Variants in RAB8B observed in about 807,000 individuals in gnomAD.
RAB8B encodes ras-related protein Rab-8B.
Under a neutral mutation model 32.0 loss-of-function variants are expected in RAB8B, and 11 were observed. The ratio of observed to expected loss-of-function variants is 0.34; its 90% confidence interval spans 0.22 to 0.57. The LOEUF (loss-of-function observed/expected upper bound fraction) is 0.57. Ranked by LOEUF, RAB8B falls within the 20% of genes least tolerant of loss-of-function variation. The probability of loss-of-function intolerance (pLI) is 0.86; values close to 1 mark genes in which losing one functional copy is unlikely to be tolerated. For missense variants in RAB8B, 190 were observed against 258.5 expected (o/e 0.73, Z 1.82); for synonymous variants, 103 against 89.6 (o/e 1.15, Z -0.85).
intron 1 of RAB8B, among the ~76,000 whole-genome samples, chr15:63,221,070 A>C (rs768443230): frequency 9.9e-5 from 15 of 152,220 alleles, no homozygotes; most frequent in Non-Finnish European, 1.5e-4. Flanking sequence ...GAGGAGGTAG[A>C]GTTTCTGAAT....
At chr15:63,203,474 T>C (rs992638698) in intron 1 of RAB8B, among the ~76,000 whole-genome samples, 2 of 152,216 alleles carry the variant, frequency 1.3e-5, no homozygotes, top group African/African-American at 4.8e-5. Context: ...GTTTGTCACA[T>C]GGAAAGCACA....
At chr15:63,247,119 G>T (rs1374924267) in intron 2 of RAB8B, among the ~76,000 whole-genome samples, 1 of 152,150 alleles carries the variant, frequency 6.6e-6, no homozygotes, top group Non-Finnish European at 1.5e-5. Flanking sequence ...TCTAGTGAAG[G>T]TTTGCTTCCT....
intron 1 of RAB8B, among the ~76,000 whole-genome samples, chr15:63,205,906 A>C (rs2141112686): frequency 6.6e-6 from 1 of 152,328 alleles, no homozygotes; most frequent in Admixed American, 6.5e-5. Flanking sequence ...AAGCAGTGAA[A>C]TGTGCCTCCA....
rs566633038 is a variant in RAB8B at position 63,238,290 on chromosome 15, G to A, written c.125-6466G>A. ...ATGACCTCTGGTTCTTGCTGCTGTT[G>A]GTGTGATAGCCCCCTCCTTCTTTCT... On this transcript the variant is annotated intron_variant, in intron 1 of 7. Transcript: ENST00000321437. 2.6e-5 allele frequency among the ~76,000 whole-genome samples: 4 copies of A among 151,982 alleles called. No individual in the cohort carries two copies. The South Asian group carries it at 8.3e-4, about 32-fold the overall frequency.
chr15:63,246,059 A>G (rs957235350), intron 2 of RAB8B, among the ~76,000 whole-genome samples: 1 of 152,082 alleles, frequency 6.6e-6, no homozygotes, highest in African/African-American at 2.4e-5. Flanking sequence ...TTTTCAGTAG[A>G]AACGGGGTTT....
In RAB8B at chr15:63,263,796, C is replaced by T. The variant is rs908761984; in HGVS notation, c.*177C>T. 9.8e-6 allele frequency: 5 copies of T among 507,660 alleles called. No homozygotes were observed. The highest frequency in any genetic ancestry group is 9.6e-5 in the African/African-American group (5 of 51,814). 31.4% of individuals were successfully genotyped at this position (507,660 alleles called of 1,614,324 possible). ...CCAGCCTCATGGCCTAGCAAAAGAA[C>T]AGACTCCCTTTTTCAAACATGGAAG... On this transcript the variant is annotated 3_prime_UTR_variant, in exon 8 of 8. Coordinates refer to ENST00000321437, the MANE Select transcript of RAB8B (RefSeq NM_016530.3).
At chr15:63,249,579 C>T (rs2038098152) in intron 2 of RAB8B, 66 bp from the exon 3 acceptor site, 3 of 1,442,654 alleles carry the variant, frequency 2.1e-6, no homozygotes, top group Middle Eastern at 1.8e-4. Flanking sequence ...TCTCCTACAG[C>T]AGGGTTTCTC....
At position 63,259,812 on chromosome 15, in the gene RAB8B, C is replaced by A; in HGVS notation, c.480+120C>A. 1 of 852,552 alleles carries A rather than the reference C, an allele frequency of 1.2e-6. No homozygotes were observed. The highest frequency in any genetic ancestry group is 1.9e-6 in the Non-Finnish European group (1 of 539,240). 52.8% of individuals were successfully genotyped at this position (852,552 alleles called of 1,614,324 possible). A position where few individuals can be genotyped will look rare whatever the true frequency, so the allele number is the denominator to read the frequency against. Reference sequence around the variant, plus strand: ...TAATGAATGCCTTTTGTTGACCCAACTCTACTTTGTACACTTTTGTGCTTC... The same window carrying A: ...TAATGAATGCCTTTTGTTGACCCAAATCTACTTTGTACACTTTTGTGCTTC... On this transcript the variant is annotated intron_variant, in intron 6 of 7. Coordinates refer to ENST00000321437, the MANE Select transcript of RAB8B (RefSeq NM_016530.3). The surrounding 1 kb of genome is among the most constrained non-coding windows in gnomAD (Gnocchi z 4.4).
At chr15:63,194,227 C>T (rs2037582837) in intron 1 of RAB8B, among the ~76,000 whole-genome samples, 1 of 152,144 alleles carries the variant, frequency 6.6e-6, no homozygotes, top group African/African-American at 2.4e-5. Flanking sequence ...TTAATTGACA[C>T]CCTCAAAATT....
intron 7 of RAB8B, among the ~76,000 whole-genome samples, chr15:63,263,319 A>G (rs1208356723): frequency 1.3e-5 from 2 of 152,272 alleles, no homozygotes; most frequent in East Asian, 1.9e-4. Context: ...TCGTAAGGGC[A>G]TTTTCCTCTT....
chr15:63,233,055 C>CTTTTTTTTTTTTTTTTTTTTTT (rs752891283), intron 1 of RAB8B, among the ~76,000 whole-genome samples: 7 of 141,516 alleles, frequency 4.9e-5, no homozygotes, highest in Admixed American at 7.2e-5. Context: ...AAGTAGCATT[C>CTTTTTTTTTTTTTTTTTTTTTT]TTTTTTTTTT....
chr15:63,237,519 C>T, intron 1 of RAB8B, among the ~76,000 whole-genome samples: 1 of 152,026 alleles, frequency 6.6e-6, no homozygotes, highest in East Asian at 1.9e-4. Flanking sequence ...TATCTGTTTG[C>T]CATTTGTATG....
intron 6 of RAB8B, among the ~76,000 whole-genome samples, chr15:63,261,182 C>T (rs1398454213): frequency 6.6e-6 from 1 of 152,142 alleles, no homozygotes; most frequent in East Asian, 1.9e-4. Flanking sequence ...TTCCCGACAT[C>T]AGTAGTGATC....
intron 3 of RAB8B, 116 bp downstream of exon 3, chr15:63,249,821 A>G (rs969523610): frequency 8.9e-7 from 1 of 1,121,916 alleles, no homozygotes; most frequent in East Asian, 2.8e-5. Context: ...AAATTTTCTG[A>G]TGGGGAAACA....
chr15:63,247,228 C>G (rs1202552985), intron 2 of RAB8B, among the ~76,000 whole-genome samples: 1 of 152,190 alleles, frequency 6.6e-6, no homozygotes, highest in Non-Finnish European at 1.5e-5. Flanking sequence ...ACGGCTCCAC[C>G]CTCATGACCT....
chr15:63,196,126 C>A (rs2037597798), intron 1 of RAB8B, among the ~76,000 whole-genome samples: 1 of 152,142 alleles, frequency 6.6e-6, no homozygotes, highest in Non-Finnish European at 1.5e-5. Context: ...CTGAAAATTT[C>A]TCATAAAAAC....
chr15:63,199,041 A>G (rs1348621078), intron 1 of RAB8B, among the ~76,000 whole-genome samples: 1 of 152,256 alleles, frequency 6.6e-6, no homozygotes, highest in African/African-American at 2.4e-5. Flanking sequence ...ATCTCTGAGT[A>G]AAATCTTGAT....
At chr15:63,223,831 A>G (rs1595740642) in intron 1 of RAB8B, 2 of 423,856 alleles carry the variant, frequency 4.7e-6, no homozygotes, top group East Asian at 7.0e-5. Context: ...TTGTCTTTAT[A>G]TTGTTTTCTT....
At chr15:63,230,207 T>A (rs1380785334) in intron 1 of RAB8B, among the ~76,000 whole-genome samples, 1 of 152,194 alleles carries the variant, frequency 6.6e-6, no homozygotes, top group Non-Finnish European at 1.5e-5. Flanking sequence ...GTGGCATTGA[T>A]GTTGGTTTTG....
Sources: allele counts gnomAD v4.1 joint callset (sites outside exome capture counted in the v4.1 genomes callset), GRCh38; gene constraint gnomAD v4.1.1; non-coding constraint Gnocchi (gnomAD v3.1); transcripts MANE v1.5; gene names NCBI Gene and HGNC (gene_info 2026-07-23, HGNC 2026-07-21).